The following KLF13 variants were observed in gnomAD, a reference collection of about 807,000 sequenced individuals.
KLF13 encodes the protein Krueppel-like factor 13.
KLF13 carries 8 observed loss-of-function variants against 16.7 expected under a neutral mutation model. The observed-to-expected ratio is 0.48, with a 90% CI of 0.28 to 0.87. KLF13 has a LOEUF of 0.87. Among genes scored for constraint, KLF13 ranks in the 40% least tolerant of loss-of-function variants. The probability of loss-of-function intolerance (pLI) is 0.10; values close to 1 mark genes in which losing one functional copy is unlikely to be tolerated. For synonymous variants in KLF13, 245 were observed against 208.4 expected (o/e 1.18, Z -1.51); for missense variants, 447 against 452.2 (o/e 0.99, Z 0.10).
rs549927096 is a variant in KLF13 at position 31,413,889 on chromosome 15, A to G, written n.117+20198A>G. On this transcript the variant is annotated intron_variant and non_coding_transcript_variant, in intron 1 of 1. Transcript: ENST00000558225. ...TTGTCTCATACTTATTTTAAAAGCA[A>G]TTATACAGAATAATATGTATATCAT... Among the ~76,000 whole-genome samples, 8 of 152,342 alleles carry G rather than the reference A, an allele frequency of 5.3e-5. No individual in the cohort carries two copies. The East Asian group carries it at 9.6e-4, about 18-fold the overall frequency.
intron 1 of KLF13, among the ~76,000 whole-genome samples, chr15:31,337,249 C>T (rs939644963): frequency 6.6e-6 from 1 of 152,188 alleles, no homozygotes; most frequent in Non-Finnish European, 1.5e-5. Flanking sequence ...TTCCTTCTTC[C>T]GCCCGCCTTA....
intron 1 of KLF13, among the ~76,000 whole-genome samples, chr15:31,331,803 G>C (rs972316692): frequency 6.6e-6 from 1 of 152,212 alleles, no homozygotes; most frequent in Non-Finnish European, 1.5e-5. Context: ...CCCCGCGTTG[G>C]TGTTTTTCTT....
Position 31,413,187 on chromosome 15 carries a change from C to CAAAA in KLF13, n.117+19508_117+19511dup, listed in dbSNP as rs1161762538. 8.2e-4 allele frequency among the ~76,000 whole-genome samples: 52 copies of CAAAA among 63,296 alleles called. 1 individual carries two copies. Among genetic ancestry groups the CAAAA allele is most frequent in the South Asian group, 1.3e-3 (2 of 1,484 alleles). The allele number at this position is 63,296 out of a possible 152,430, so 41.5% of individuals were successfully genotyped here. A position where few individuals can be genotyped will look rare whatever the true frequency, so the allele number is the denominator to read the frequency against. Reference sequence around the variant, plus strand: ...GAAGAACAGAGAGAAAATGAATAGACAAAAAAAAAAAAAAACAAAAAACAA... The same window carrying CAAAA: ...GAAGAACAGAGAGAAAATGAATAGACAAAAAAAAAAAAAAAAAAACAAAAAACAA... On this transcript the variant is annotated intron_variant and non_coding_transcript_variant, in intron 1 of 1. Transcript: ENST00000558225.
intron 1 of KLF13, among the ~76,000 whole-genome samples, chr15:31,341,543 T>G (rs1296159773): frequency 6.6e-6 from 1 of 150,462 alleles, no homozygotes; most frequent in African/African-American, 2.4e-5. Flanking sequence ...AGAACTTTTT[T>G]TTTTTTTTTT....
At chr15:31,348,011 G>C (rs2039153011) in intron 1 of KLF13, among the ~76,000 whole-genome samples, 1 of 152,268 alleles carries the variant, frequency 6.6e-6, no homozygotes, top group African/African-American at 2.4e-5. Context: ...CACTCCACAT[G>C]AGTCTGCCTC....
At chr15:31,350,007 C>G (rs78334447) in intron 1 of KLF13, among the ~76,000 whole-genome samples, 1 of 152,178 alleles carries the variant, frequency 6.6e-6, no homozygotes, top group African/African-American at 2.4e-5. Context: ...TAGCCTTTGC[C>G]GAATTTGTGC....
At chr15:31,355,339 A>G (rs2039283885) in intron 1 of KLF13, among the ~76,000 whole-genome samples, 1 of 152,192 alleles carries the variant, frequency 6.6e-6, no homozygotes, top group Non-Finnish European at 1.5e-5. Flanking sequence ...AGCTACTAGG[A>G]GAAGAAAGTG....
downstream of KLF13, among the ~76,000 whole-genome samples, chr15:31,405,933 T>A (rs918338943): frequency 6.6e-6 from 1 of 152,144 alleles, no homozygotes; most frequent in Admixed American, 6.5e-5. Flanking sequence ...ATAAGAGTCA[T>A]AATTAACATC....
chr15:31,372,505 A>G lies in KLF13; in HGVS notation c.*206A>G. ...CCACCCACCAAATTGCACAATAGAT[A>G]CACCCACAAAGTTGAGATTCAGCGT... On this transcript the variant is annotated 3_prime_UTR_variant, in exon 2 of 2. Coordinates refer to ENST00000307145, the MANE Select transcript of KLF13 (RefSeq NM_015995.4). 1 of 566,720 alleles carries G rather than the reference A, an allele frequency of 1.8e-6. No individual in the cohort carries two copies. The highest frequency in any genetic ancestry group is 3.0e-6 in the Non-Finnish European group (1 of 337,614). The allele number at this position is 566,720 out of a possible 1,614,324, so 35.1% of individuals were successfully genotyped here.
At chr15:31,427,007 C>A (rs192609367) in intron 1 of KLF13, among the ~76,000 whole-genome samples, 5 of 152,342 alleles carry the variant, frequency 3.3e-5, no homozygotes, top group Admixed American at 2.6e-4. Context: ...CCCCTGGATT[C>A]TCAGGCCTTC....
intron 1 of KLF13, among the ~76,000 whole-genome samples, chr15:31,371,117 G>GCCC (rs534701179): frequency 2.0e-5 from 3 of 152,184 alleles, no homozygotes; most frequent in Admixed American, 6.5e-5. Flanking sequence ...GGGTGCCAGA[G>GCCC]CCCCCCACCC....
intron 2 of KLF13, among the ~76,000 whole-genome samples, chr15:31,400,734 G>A (rs2040022514): frequency 6.6e-6 from 1 of 152,172 alleles, no homozygotes; most frequent in South Asian, 2.1e-4. Context: ...GGTCGAGGGA[G>A]GGGGTGGAAG....
At position 31,340,286 on chromosome 15, in the gene KLF13, A is replaced by C. The variant is rs1550145; in HGVS notation, c.577+12497A>C. Reference sequence around the variant, plus strand: ...GCAGCAGCAGCTGTGGCAGTTGCCAAGGGAGCTCAGCACCAAAAAAGATGT... The same window carrying C: ...GCAGCAGCAGCTGTGGCAGTTGCCACGGGAGCTCAGCACCAAAAAAGATGT... On this transcript the variant is annotated intron_variant, in intron 1 of 1. Coordinates refer to ENST00000307145, the MANE Select transcript of KLF13 (RefSeq NM_015995.4). Among the ~76,000 whole-genome samples the C allele has an allele frequency of 5.9e-3, 906 of 152,368 alleles. 7 individuals are homozygous for C. The highest frequency in any genetic ancestry group is 0.021 in the African/African-American group (862 of 41,576).
chr15:31,408,078 C>A (rs563554719), downstream of KLF13, among the ~76,000 whole-genome samples: 1 of 152,242 alleles, frequency 6.6e-6, no homozygotes, highest in South Asian at 2.1e-4. Flanking sequence ...AAAAGAAGAA[C>A]TATCTCTGTT....
intron 2 of KLF13, among the ~76,000 whole-genome samples, chr15:31,397,899 CT>C (rs1341909557): frequency 5.3e-5 from 8 of 151,612 alleles, no homozygotes; most frequent in Non-Finnish European, 1.2e-4. Flanking sequence ...TCCACTCTCC[CT>C]GGGGAATTCT....
At chr15:31,404,908 G>T (rs143466178), downstream of KLF13, among the ~76,000 whole-genome samples, 11 of 152,246 alleles carry the variant, frequency 7.2e-5, no homozygotes, top group East Asian at 2.1e-3. Flanking sequence ...TTCACTCAGG[G>T]GTATGGATGG....
At chr15:31,334,324 C>T (rs1039320849) in intron 1 of KLF13, among the ~76,000 whole-genome samples, 9 of 152,182 alleles carry the variant, frequency 5.9e-5, no homozygotes, top group African/African-American at 1.7e-4. Flanking sequence ...GGAGGGCCTA[C>T]GGCGGGTGAC....
At chr15:31,397,578 G>A (rs550609805) in intron 2 of KLF13, among the ~76,000 whole-genome samples, 41 of 152,344 alleles carry the variant, frequency 2.7e-4, no homozygotes, top group African/African-American at 9.1e-4. Context: ...GCTGCCTCTT[G>A]CTTCCAGCTC....
At chr15:31,362,007 T>C (rs2039398234) in intron 1 of KLF13, among the ~76,000 whole-genome samples, 1 of 152,034 alleles carries the variant, frequency 6.6e-6, no homozygotes, top group Non-Finnish European at 1.5e-5. Context: ...CATGAGCCCC[T>C]ACAGTGGCAC....
Sources: gnomAD v4.1 joint callset for allele counts (sites outside exome capture counted in the v4.1 genomes callset) on GRCh38, gnomAD v4.1.1 for gene constraint, MANE v1.5 for transcripts, NCBI Gene and HGNC (gene_info 2026-07-23, HGNC 2026-07-21) for gene names.